RALYL: variants seen among roughly 807,000 people sequenced by gnomAD.
RALYL encodes the protein RNA-binding Raly-like protein.
RALYL carries 29 observed loss-of-function variants against 35.1 expected under a neutral mutation model. The ratio of observed to expected loss-of-function variants is 0.83; its 90% CI spans 0.61 to 1.13. RALYL has a LOEUF of 1.13. Among genes scored for constraint, RALYL ranks in the 50% most tolerant of loss-of-function variants. RALYL has a pLI of 0.00. For missense variants in RALYL, 359 were observed against 360.4 expected (o/e 1.00, Z 0.03); for synonymous variants, 120 against 127.6 (o/e 0.94, Z 0.40).
chr8:84,514,302 T>C lies in RALYL; in HGVS notation c.-23-14997T>C, dbSNP rs2057882420. The stretch of plus-strand genomic sequence containing the variant: ...CATGAATGTGTTAAGATGTTTTGAA[T>C]GTTACATTTTGTTTGGTCTCCAATA... On this transcript the variant is annotated intron_variant, in intron 1 of 8. Coordinates refer to ENST00000521268, the MANE Select transcript of RALYL (RefSeq NM_173848.7). Among the ~76,000 whole-genome samples the C allele has an allele frequency of 2.0e-5, 3 of 152,266 alleles. No individual in the cohort carries two copies. In the South Asian group the frequency reaches 6.2e-4, roughly 32 times the overall value.
intron 1 of RALYL, among the ~76,000 whole-genome samples, chr8:84,491,055 G>A (rs1288396311): frequency 4.6e-5 from 7 of 151,828 alleles, no homozygotes; most frequent in Non-Finnish European, 7.4e-5. Flanking sequence ...TTTGCCCAAA[G>A]TGACAATAGC....
chr8:84,406,344 G>A (rs946695612), intron 1 of RALYL, among the ~76,000 whole-genome samples: 7 of 151,968 alleles, frequency 4.6e-5, no homozygotes, highest in Non-Finnish European at 1.0e-4. Context: ...CAGGATTTAG[G>A]AAGTCCAGTT....
chr8:84,432,018 A>G (rs1053390433), intron 1 of RALYL, among the ~76,000 whole-genome samples: 1 of 152,190 alleles, frequency 6.6e-6, no homozygotes, highest in African/African-American at 2.4e-5. Context: ...GGAAAATAGC[A>G]TAGAGGTTCT....
chr8:84,310,889 T>C (rs1355090319), intron 1 of RALYL, among the ~76,000 whole-genome samples: 2 of 143,112 alleles, frequency 1.4e-5, no homozygotes, highest in East Asian at 4.0e-4. Flanking sequence ...CTACTAAAAA[T>C]ACAAAAAATT....
intron 1 of RALYL, among the ~76,000 whole-genome samples, chr8:84,493,969 A>G (rs1433895330): frequency 6.6e-6 from 1 of 151,942 alleles, no homozygotes; most frequent in Non-Finnish European, 1.5e-5. Context: ...TTGTCATAAA[A>G]TCTTTGCCCA....
intron 1 of RALYL, among the ~76,000 whole-genome samples, chr8:84,514,182 T>C (rs2134480683): frequency 1.3e-5 from 2 of 148,782 alleles, no homozygotes; most frequent in South Asian, 2.2e-4. Context: ...ACCTAGATCT[T>C]CTGACTCACT....
At chr8:84,272,302 C>G (rs1275620298) in intron 1 of RALYL, among the ~76,000 whole-genome samples, 1 of 152,026 alleles carries the variant, frequency 6.6e-6, no homozygotes, top group Admixed American at 6.6e-5. Context: ...TCATGTTGGC[C>G]AGGCTGGTCT....
intron 1 of RALYL, among the ~76,000 whole-genome samples, chr8:84,231,295 A>G (rs995540988): frequency 4.6e-5 from 7 of 152,198 alleles, no homozygotes; most frequent in African/African-American, 1.2e-4. Flanking sequence ...CGGCATGGGG[A>G]AAAGTGTAGT....
rs558907771 is a variant in RALYL at position 84,664,501 on chromosome 8, A to C, written c.257-110078A>C. ...TTTCCATTTGTTTGTGTGATCTCTG[A>C]TGTCTTTTAGGTTTGTGGTTCTCCT... On this transcript the variant is annotated intron_variant, in intron 2 of 8. Coordinates refer to ENST00000521268, the MANE Select transcript of RALYL (RefSeq NM_173848.7). Among the ~76,000 whole-genome samples, 5 of 151,360 alleles carry C rather than the reference A, an allele frequency of 3.3e-5. No individual in the cohort carries two copies. The South Asian group carries it at 1.0e-3, about 32-fold the overall frequency.
chr8:84,419,025 T>C (rs1490442243), intron 1 of RALYL, among the ~76,000 whole-genome samples: 1 of 152,146 alleles, frequency 6.6e-6, no homozygotes, highest in Non-Finnish European at 1.5e-5. Context: ...TTTACATCCC[T>C]CTCTTGTTGC....
intron 2 of RALYL, among the ~76,000 whole-genome samples, chr8:84,765,320 G>T (rs1292629822): frequency 6.6e-6 from 1 of 152,168 alleles, no homozygotes; most frequent in South Asian, 2.1e-4. Flanking sequence ...AGTGGGGAAA[G>T]TTCTAGATTA....
chr8:84,706,159 G>A, intron 2 of RALYL: 1 of 1,130,796 alleles, frequency 8.8e-7, no homozygotes. Context: ...ATACATCCTG[G>A]TAGTAGAAAA....
intron 6 of RALYL, among the ~76,000 whole-genome samples, chr8:84,870,873 G>A (rs1052134537): frequency 1.3e-5 from 2 of 152,122 alleles, no homozygotes; most frequent in Non-Finnish European, 2.9e-5. Context: ...TAAGGGGCAA[G>A]CCTTTTCCCA....
intron 2 of RALYL, among the ~76,000 whole-genome samples, chr8:84,605,137 T>A (rs530495634): frequency 6.6e-6 from 1 of 152,234 alleles, no homozygotes; most frequent in East Asian, 1.9e-4. Flanking sequence ...ACTTGCTCTT[T>A]TTTTCTCCCT....
At chr8:84,724,783 A>T (rs1000243507) in intron 2 of RALYL, among the ~76,000 whole-genome samples, 2 of 151,772 alleles carry the variant, frequency 1.3e-5, no homozygotes, top group South Asian at 2.1e-4. Flanking sequence ...ATTTCCATAG[A>T]ATTTGTGCTT....
At chr8:84,893,776 A>G (rs2135486845) in intron 8 of RALYL, among the ~76,000 whole-genome samples, 1 of 152,324 alleles carries the variant, frequency 6.6e-6, no homozygotes, top group African/African-American at 2.4e-5. Context: ...ACTATAGACA[A>G]GCAAAACATT....
intron 1 of RALYL, among the ~76,000 whole-genome samples, chr8:84,523,765 G>A (rs977070006): frequency 6.7e-6 from 1 of 149,564 alleles, no homozygotes; most frequent in African/African-American, 2.5e-5. Context: ...AATATGCGGT[G>A]TTTGGTTTTT....
chr8:84,336,473 G>T (rs540493087), intron 1 of RALYL, among the ~76,000 whole-genome samples: 2 of 152,198 alleles, frequency 1.3e-5, no homozygotes, highest in African/African-American at 2.4e-5. Flanking sequence ...TTATTGGAAG[G>T]ATAGCTATTA....
chr8:84,642,800 G>A (rs1438235060), intron 2 of RALYL, among the ~76,000 whole-genome samples: 1 of 139,836 alleles, frequency 7.2e-6, no homozygotes, highest in Non-Finnish European at 1.5e-5. Context: ...GGATGAAAGA[G>A]AAAGGTAGGA....
Sources: gnomAD v4.1 joint callset for allele counts (sites outside exome capture counted in the v4.1 genomes callset) on GRCh38, gnomAD v4.1.1 for gene constraint, MANE v1.5 for transcripts, NCBI Gene and HGNC (gene_info 2026-07-23, HGNC 2026-07-21) for gene names.